RMND1: variants seen among roughly 807,000 people sequenced by gnomAD.
RMND1 encodes required for meiotic nuclear division protein 1 homolog.
In RMND1, 41 loss-of-function variants were observed where a neutral mutation model predicts 54.0. The ratio of observed to expected loss-of-function variants is 0.76; its 90% CI spans 0.59 to 0.98. The LOEUF is 0.98. Among genes scored for constraint, RMND1 ranks in the 50% least tolerant of loss-of-function variants. The probability of loss-of-function intolerance (pLI) is 0.00; values close to 1 mark genes in which losing one functional copy is unlikely to be tolerated. For synonymous variants in RMND1, 183 were observed against 181.7 expected (o/e 1.01, Z -0.06); for missense variants, 457 against 532.0 (o/e 0.86, Z 1.39).
chr6:151,429,172 A>C (rs1780386513), intron 5 of RMND1, among the ~76,000 whole-genome samples: 1 of 148,646 alleles, frequency 6.7e-6, no homozygotes, highest in African/African-American at 2.5e-5. Context: ...CCCAGGCTGG[A>C]GTGCAATGGT....
rs1234813479 is a variant in RMND1, at chr6:151,405,186, A to C, written c.*49T>G. ...CGCCGGGCCGAACATTTAATTTTTG[A>C]TTGTAGAACTTGAATATCTCTTGCA... On this transcript the variant is annotated 3_prime_UTR_variant, in exon 12 of 12. Transcript: ENST00000444024. 2 of 1,561,028 alleles carry C rather than the reference A, an allele frequency of 1.3e-6. No individual in the cohort carries two copies. Among genetic ancestry groups the C allele is most frequent in the African/African-American group, 2.7e-5 (2 of 73,554 alleles).
chr6:151,415,185 A>G lies in RMND1; in HGVS notation c.1200+2094T>C, dbSNP rs116482197. On this transcript the variant is annotated intron_variant, in intron 10 of 11. Coordinates refer to ENST00000444024, the MANE Select transcript of RMND1 (RefSeq NM_017909.4). Reference sequence around the variant, plus strand: ...ATGTTTGATGGTTGAAGCAAAAATTATAACATTATCTGATGAAGTTTTCTA... The same window carrying G: ...ATGTTTGATGGTTGAAGCAAAAATTGTAACATTATCTGATGAAGTTTTCTA... Among the ~76,000 whole-genome samples the G allele has an allele frequency of 8.3e-3, 1,257 of 152,304 alleles. 15 individuals are homozygous for G. Among genetic ancestry groups the G allele is most frequent in the African/African-American group, 0.029 (1,210 of 41,584 alleles).
intron 10 of RMND1, among the ~76,000 whole-genome samples, chr6:151,410,704 T>C (rs911454358): frequency 5.9e-5 from 9 of 152,210 alleles, no homozygotes; most frequent in African/African-American, 7.2e-5. Flanking sequence ...TCTGGAATAG[T>C]TGAATCACTC....
chr6:151,428,344 T>C (rs1337580890), intron 5 of RMND1, among the ~76,000 whole-genome samples: 1 of 152,214 alleles, frequency 6.6e-6, no homozygotes, highest in Non-Finnish European at 1.5e-5. Context: ...GCACATGACA[T>C]TTTCAACACT....
At chr6:151,450,994 T>C (rs985175834) in intron 1 of RMND1, among the ~76,000 whole-genome samples, 5 of 152,128 alleles carry the variant, frequency 3.3e-5, no homozygotes, top group Admixed American at 3.3e-4. Context: ...AAACAGATGC[T>C]TGAAGGCAGC....
Position 151,445,710 on chromosome 6 carries a change from C to T in RMND1, c.102G>A (p.Lys34=), listed in dbSNP as rs1156303095. ...RIGHLMLKPL[K]EFENTTCSTL... Reference sequence around the variant, plus strand: ...TGCTGCATGTTGTATTTTCAAATTCCTTAAGTGGTTTTAACATTAGATGAC... The same window carrying T: ...TGCTGCATGTTGTATTTTCAAATTCTTTAAGTGGTTTTAACATTAGATGAC... Residue 34 remains lysine, a synonymous_variant, in exon 2 of 12, where the codon AAG becomes AAA. Coordinates refer to ENST00000444024, the MANE Select transcript of RMND1 (RefSeq NM_017909.4). 1 of 1,614,048 alleles carries T rather than the reference C, an allele frequency of 6.2e-7. No individual in the cohort carries two copies. The highest frequency in any genetic ancestry group is 8.5e-7 in the Non-Finnish European group (1 of 1,180,018).
chr6:151,446,989 C>G (rs752887896), intron 1 of RMND1, among the ~76,000 whole-genome samples: 1 of 151,918 alleles, frequency 6.6e-6, no homozygotes, highest in Non-Finnish European at 1.5e-5. Context: ...AATCAATGAT[C>G]TCAGAATTCA....
chr6:151,443,009 G>GC (rs1780827841), intron 2 of RMND1, among the ~76,000 whole-genome samples: 2 of 152,276 alleles, frequency 1.3e-5, no homozygotes, highest in Admixed American at 1.3e-4. Context: ...TGAGCTGGGT[G>GC]CAACTATGGG....
At chr6:151,448,290 AC>A (rs897873796) in intron 1 of RMND1, among the ~76,000 whole-genome samples, 3 of 151,862 alleles carry the variant, frequency 2.0e-5, no homozygotes, top group African/African-American at 7.3e-5. Flanking sequence ...TCCTTCTATT[AC>A]CCAATTCCAA....
intron 6 of RMND1, among the ~76,000 whole-genome samples, chr6:151,426,660 T>C (rs1414693226): frequency 6.6e-6 from 1 of 152,240 alleles, no homozygotes; most frequent in Non-Finnish European, 1.5e-5. Context: ...ATTTTGGGGC[T>C]ATACTACTGA....
intron 2 of RMND1, among the ~76,000 whole-genome samples, chr6:151,438,731 T>C (rs1466640139): frequency 6.6e-6 from 1 of 151,666 alleles, no homozygotes; most frequent in Non-Finnish European, 1.5e-5. Flanking sequence ...CTCCCTGTTG[T>C]CTCACGTCTG....
At chr6:151,410,072 T>G (rs1779765352) in intron 10 of RMND1, among the ~76,000 whole-genome samples, 1 of 151,604 alleles carries the variant, frequency 6.6e-6, no homozygotes, top group East Asian at 1.9e-4. Context: ...TTTTTTTTTT[T>G]GAGGCGGAGT....
chr6:151,412,294 G>A (rs1779868679), intron 10 of RMND1, among the ~76,000 whole-genome samples: 2 of 151,828 alleles, frequency 1.3e-5, no homozygotes, highest in African/African-American at 4.8e-5. Context: ...GAGCCACCAC[G>A]ACTGGCCATA....
At chr6:151,410,116 A>G (rs893989709) in intron 10 of RMND1, among the ~76,000 whole-genome samples, 2 of 149,024 alleles carry the variant, frequency 1.3e-5, no homozygotes, top group Non-Finnish European at 3.0e-5. Context: ...CTGCAGTGGC[A>G]CAATCTCCGC....
Position 151,445,648 on chromosome 6 carries a change from G to C in RMND1, c.164C>G (p.Pro55Arg), listed in dbSNP as rs764846753. ...ATTCAAACCACTAGCTGTTTTATCA[G>C]GAAGGAACAAATCCAAGCTTTGACG... ...TIRQSLDLFLPDKTASGLNKS... is the reference protein window; with the variant it reads ...TIRQSLDLFLRDKTASGLNKS... The change falls in exon 2 of 12, where the codon CCT (proline) becomes CGT (arginine). Residue 55 changes from proline (P) to arginine (R), a missense_variant. Pro to Arg is a moderately radical substitution (Grantham distance 103). Coordinates refer to ENST00000444024, the MANE Select transcript of RMND1 (RefSeq NM_017909.4). 6 of 1,614,112 alleles carry C rather than the reference G, an allele frequency of 3.7e-6. No individual in the cohort carries two copies. In the East Asian group the frequency reaches 1.1e-4, roughly 30 times the overall value.
Position 151,421,280 on chromosome 6 carries a change from T to G in RMND1, c.1044A>C (p.Glu348Asp), listed in dbSNP as rs376046125. The G allele has an allele frequency of 6.2e-6, 10 of 1,612,882 alleles. No individual in the cohort carries two copies. The highest frequency in any genetic ancestry group is 8.5e-6 in the Non-Finnish European group (10 of 1,179,352). The change falls in exon 9 of 12, where the codon GAA (glutamate) becomes GAC (aspartate). Residue 348 changes from glutamate to aspartate, a missense_variant. By Grantham distance (45) the Glu-to-Asp change is conservative. Coordinates refer to ENST00000444024, the MANE Select transcript of RMND1 (RefSeq NM_017909.4). ...AGKKVKLSHE[E>D]VMQKIGELFA... The stretch of plus-strand genomic sequence containing the variant: ...AGAGTTCACCGATTTTCTGCATAAC[T>G]TCTTCATGAGATAGTTTCACTTTCT...
At position 151,422,528 on chromosome 6, in the gene RMND1, T is replaced by C. The variant is rs890899062; in HGVS notation, c.1002+13A>G. ...AATCAATCCTTGAATAAGCATAAAA[T>C]TGATATAATTACCTCAGGAATTGAC... On this transcript the variant is annotated intron_variant, in intron 8 of 11. Transcript: ENST00000444024. 1.1e-5 allele frequency: 14 copies of C among 1,330,400 alleles called. No individual in the cohort carries two copies. The African/African-American group carries it at 1.9e-4, about 18-fold the overall frequency. 82.4% of individuals were successfully genotyped at this position (1,330,400 alleles called of 1,614,324 possible).
At chr6:151,421,445 G>C in intron 8 of RMND1, 124 bp from the exon 9 acceptor site, 1 of 610,004 alleles carries the variant, frequency 1.6e-6, no homozygotes, top group South Asian at 2.2e-5. Context: ...TTTTAGGATG[G>C]CTGTCTCCCA....
At chr6:151,425,316 C>T (rs1317257289) in intron 6 of RMND1, among the ~76,000 whole-genome samples, 2 of 152,122 alleles carry the variant, frequency 1.3e-5, no homozygotes, top group African/African-American at 2.4e-5. Context: ...GCAGAACTCA[C>T]ATAATAACCA....
Sources: gnomAD v4.1 joint callset for allele counts (sites outside exome capture counted in the v4.1 genomes callset) on GRCh38, gnomAD v4.1.1 for gene constraint, MANE v1.5 for transcripts, NCBI Gene and HGNC (gene_info 2026-07-23, HGNC 2026-07-21) for gene names.